MTARC1: variants seen among roughly 807,000 people sequenced by gnomAD.
The protein encoded by MTARC1 is mitochondrial amidoxime reducing component 1.
Under a neutral mutation model 33.6 loss-of-function variants are expected in MTARC1, and 24 were observed. That is an observed-to-expected ratio of 0.72 (90% CI 0.52 to 1.01). MTARC1 has a LOEUF of 1.01. Among genes scored for constraint, MTARC1 ranks in the 50% least tolerant of loss-of-function variants. MTARC1 has a pLI of 0.00. For missense variants in MTARC1, 417 were observed against 445.7 expected (o/e 0.94, Z 0.58); for synonymous variants, 187 against 189.5 (o/e 0.99, Z 0.11).
chr1:220,799,520 G>T (rs1672720193), intron 4 of MTARC1, among the ~76,000 whole-genome samples: 4 of 152,236 alleles, frequency 2.6e-5, no homozygotes, highest in African/African-American at 9.6e-5. Flanking sequence ...AGAGAAATGA[G>T]TGGGGAGGGT....
intron 6 of MTARC1, among the ~76,000 whole-genome samples, chr1:220,812,556 T>C (rs7526918): frequency 6.8e-4 from 103 of 152,250 alleles, no homozygotes; most frequent in African/African-American, 2.4e-3. Flanking sequence ...ACCTTGGAAC[T>C]CGGCAGCTGC....
chr1:220,818,764 T>C lies in MTARC1; in HGVS notation c.*5346T>C, dbSNP rs903855870. 2 of 152,204 alleles carry C rather than the reference T, an allele frequency of 1.3e-5. No individual in the cohort carries two copies. Among genetic ancestry groups the C allele is most frequent in the African/African-American group, 4.8e-5 (2 of 41,460 alleles). 9.4% of individuals were successfully genotyped at this position (152,204 alleles called of 1,614,324 possible). ...TTATAATTATTTCTGATTAACATTT[T>C]TACACCTAACAAAGTCTCAGAGAGA... On this transcript the variant is annotated 3_prime_UTR_variant, in exon 7 of 7. Coordinates refer to ENST00000366910, the MANE Select transcript of MTARC1 (RefSeq NM_022746.4).
intron 4 of MTARC1, among the ~76,000 whole-genome samples, chr1:220,801,045 A>C (rs72472314): frequency 0.017 from 2,602 of 152,232 alleles, 30 homozygotes; most frequent in South Asian, 0.057. Context: ...CTGTTGATGT[A>C]AGTCACATCA....
At chr1:220,803,166 A>C (rs1672866999) in intron 4 of MTARC1, among the ~76,000 whole-genome samples, 1 of 152,224 alleles carries the variant, frequency 6.6e-6, no homozygotes, top group South Asian at 2.1e-4. Flanking sequence ...TCATGGCAGA[A>C]GGTGAAGGAG....
At chr1:220,799,999 C>T (rs192199457) in intron 4 of MTARC1, among the ~76,000 whole-genome samples, 1 of 152,260 alleles carries the variant, frequency 6.6e-6, no homozygotes, top group East Asian at 1.9e-4. Context: ...GCTCAGGTAC[C>T]AGCTTTTTCC....
chr1:220,809,006 C>T (rs1038090063), intron 6 of MTARC1: 4 of 447,736 alleles, frequency 8.9e-6, no homozygotes, highest in Non-Finnish European at 1.8e-5. Context: ...GCTGGATGCA[C>T]GAATACTGTG....
chr1:220,797,251 T>G (rs2807834), intron 3 of MTARC1, among the ~76,000 whole-genome samples: 114,083 of 151,928 alleles, frequency 0.75, 43,302 homozygotes, highest in African/African-American at 0.86. Context: ...AAGCAGGGTT[T>G]GTAGTACCAT....
At chr1:220,811,008 A>G (rs987673217) in intron 6 of MTARC1, among the ~76,000 whole-genome samples, 6 of 152,242 alleles carry the variant, frequency 3.9e-5, no homozygotes, top group Non-Finnish European at 7.3e-5. Flanking sequence ...CTTATAAACT[A>G]TCCATGTGTG....
Position 220,813,273 on chromosome 1 carries a change from T to C in MTARC1, c.888-19T>C. ...GCATCCGCTTGGCTGTGACTCATCA[T>C]GATCTTTTCCTATTGCAGTTATCGC... On this transcript the variant is annotated intron_variant, in intron 6 of 6. Transcript: ENST00000366910. 2 of 1,613,920 alleles carry C rather than the reference T, an allele frequency of 1.2e-6. No homozygotes were observed. The highest frequency in any genetic ancestry group is 1.7e-6 in the Non-Finnish European group (2 of 1,179,860).
intron 1 of MTARC1, 41 bp downstream of exon 1, chr1:220,787,260 C>T (rs1329906921): frequency 1.3e-6 from 2 of 1,532,130 alleles, no homozygotes; most frequent in African/African-American, 1.4e-5. Flanking sequence ...TGATCCGGCT[C>T]GGGGCAAGGG....
intron 3 of MTARC1, chr1:220,797,618 G>A: frequency 2.1e-6 from 1 of 476,378 alleles, no homozygotes; most frequent in Admixed American, 3.5e-5. Flanking sequence ...TGTCCCCAAG[G>A]GCACATGCCT....
chr1:220,787,330 A>G, intron 1 of MTARC1, 111 bp downstream of exon 1: 1 of 1,344,270 alleles, frequency 7.4e-7, no homozygotes, highest in South Asian at 1.8e-5. Context: ...CCTTCCTCCT[A>G]TTACAAAGAA....
Position 220,813,715 on chromosome 1 carries a change from C to G in MTARC1, c.*297C>G. ...TGGAATAGTTCTTTCTCCTGCTTCT[C>G]CGTTTATCTACCAAGAGCGCAGACT... On this transcript the variant is annotated 3_prime_UTR_variant, in exon 7 of 7. Transcript: ENST00000366910. 3.2e-6 allele frequency: 1 copy of G among 312,588 alleles called. No individual in the cohort carries two copies. The highest frequency in any genetic ancestry group is 6.1e-6 in the Non-Finnish European group (1 of 163,012). The allele number at this position is 312,588 out of a possible 1,614,324, so 19.4% of individuals were successfully genotyped here.
At chr1:220,798,101 G>A (rs761365855) in intron 4 of MTARC1, 87 bp downstream of exon 4, 2 of 1,612,222 alleles carry the variant, frequency 1.2e-6, no homozygotes, top group Non-Finnish European at 1.7e-6. Context: ...AGATTATTCT[G>A]AAGGGTGCAT....
intron 1 of MTARC1, among the ~76,000 whole-genome samples, chr1:220,789,723 A>T (rs1336830887): frequency 6.6e-6 from 1 of 152,250 alleles, no homozygotes; most frequent in African/African-American, 2.4e-5. Context: ...ATGGAATATT[A>T]TTCAGCCATG....
chr1:220,793,639 A>C (rs1047429729), intron 2 of MTARC1: 1 of 152,168 alleles, frequency 6.6e-6, no homozygotes, highest in Non-Finnish European at 1.5e-5. Context: ...TCATGGTCGA[A>C]GATGTTACTT....
At chr1:220,812,248 G>A (rs1673157345) in intron 6 of MTARC1, among the ~76,000 whole-genome samples, 1 of 152,210 alleles carries the variant, frequency 6.6e-6, no homozygotes, top group African/African-American at 2.4e-5. Context: ...GATGGCAACA[G>A]GTCTGAAAAA....
rs1234841183 is a variant in MTARC1 at position 220,819,007 on chromosome 1, C to T, written c.*5589C>T. On this transcript the variant is annotated 3_prime_UTR_variant, in exon 7 of 7. Coordinates refer to ENST00000366910, the MANE Select transcript of MTARC1 (RefSeq NM_022746.4). Reference sequence around the variant, plus strand: ...CTACCGCGGATCTGAGCCCGTATGACTCATTTGCGAGCCATTCCTGTCGTC... The same window carrying T: ...CTACCGCGGATCTGAGCCCGTATGATTCATTTGCGAGCCATTCCTGTCGTC... The T allele has an allele frequency of 6.6e-6, 1 of 152,174 alleles. No individual in the cohort carries two copies. Among genetic ancestry groups the T allele is most frequent in the African/African-American group, 2.4e-5 (1 of 41,442 alleles). The allele number at this position is 152,174 out of a possible 1,614,324, so 9.4% of individuals were successfully genotyped here.
intron 4 of MTARC1, among the ~76,000 whole-genome samples, chr1:220,804,595 A>G (rs2102603310): frequency 6.6e-6 from 1 of 152,160 alleles, no homozygotes; most frequent in Non-Finnish European, 1.5e-5. Flanking sequence ...GCTAGGGGAG[A>G]CATGCACATA....
Sources: allele counts gnomAD v4.1 joint callset (sites outside exome capture counted in the v4.1 genomes callset), GRCh38; gene constraint gnomAD v4.1.1; transcripts MANE v1.5; gene names NCBI Gene and HGNC (gene_info 2026-07-23, HGNC 2026-07-21).